THEMIS: variants seen among roughly 807,000 people sequenced by gnomAD.
The protein encoded by THEMIS is protein THEMIS.
A neutral mutation model predicts 52.6 loss-of-function variants in THEMIS; 37 were observed. The observed-to-expected ratio is 0.70, with a 90% CI of 0.54 to 0.93. The LOEUF (loss-of-function observed/expected upper bound fraction) is 0.93, where lower values mean the gene tolerates loss of function less well. Among genes scored for constraint, THEMIS ranks in the 40% least tolerant of loss-of-function variants. THEMIS has a pLI of 0.00. For missense variants in THEMIS, 808 were observed against 763.1 expected, an observed-to-expected ratio of 1.06 and a Z score of -0.69; for synonymous variants, 292 against 272.7, an observed-to-expected ratio of 1.07 and a Z score of -0.70.
intron 4 of THEMIS, among the ~76,000 whole-genome samples, chr6:127,743,388 T>G (rs1775275095): frequency 6.6e-6 from 1 of 152,046 alleles, no homozygotes. Context: ...ATTCAGAAAT[T>G]TACAGATGTG....
chr6:127,707,318 G>C (rs181604243), downstream of THEMIS, among the ~76,000 whole-genome samples: 1 of 152,140 alleles, frequency 6.6e-6, no homozygotes, highest in African/African-American at 2.4e-5. Context: ...AGAGTACAGA[G>C]AGAGAATGGG....
At chr6:127,830,677 C>T (rs2114664360) in intron 2 of THEMIS, among the ~76,000 whole-genome samples, 1 of 151,468 alleles carries the variant, frequency 6.6e-6, no homozygotes, top group East Asian at 1.9e-4. Context: ...CAGAGTGAGA[C>T]TCTGTCTCTC....
chr6:127,764,035 T>C lies in THEMIS; in HGVS notation c.1759-44212A>G, dbSNP rs545585661. Reference sequence around the variant, plus strand: ...TAGATGTAGTTAAGGAAGAAACAAATGAGAGTATCATGAAATTTATCCCAA... The same window carrying C: ...TAGATGTAGTTAAGGAAGAAACAAACGAGAGTATCATGAAATTTATCCCAA... On this transcript the variant is annotated intron_variant, in intron 4 of 5. Transcript: ENST00000368248. Among the ~76,000 whole-genome samples the C allele has an allele frequency of 2.8e-4, 43 of 151,992 alleles. No individual in the cohort carries two copies. In the Middle Eastern group the frequency reaches 0.024, roughly 84 times the overall value.
At chr6:127,823,446 C>T (rs528842386) in intron 3 of THEMIS, among the ~76,000 whole-genome samples, 1 of 152,184 alleles carries the variant, frequency 6.6e-6, no homozygotes, top group African/African-American at 2.4e-5. Flanking sequence ...CCCTTGTTAC[C>T]TAAAGAGGAG....
chr6:127,721,894 T>C (rs916259668), intron 4 of THEMIS, among the ~76,000 whole-genome samples: 1 of 152,052 alleles, frequency 6.6e-6, no homozygotes, highest in African/African-American at 2.4e-5. Flanking sequence ...CCAAATTCAA[T>C]TGAAAATATT....
intron 2 of THEMIS, among the ~76,000 whole-genome samples, chr6:127,848,448 G>C (rs1270108591): frequency 6.6e-6 from 1 of 151,694 alleles, no homozygotes; most frequent in Non-Finnish European, 1.5e-5. Context: ...CCAGTAATGA[G>C]ATGGCTGGGT....
chr6:127,911,264 G>A (rs544895057), intron 1 of THEMIS, among the ~76,000 whole-genome samples: 2 of 151,204 alleles, frequency 1.3e-5, no homozygotes, highest in Non-Finnish European at 2.9e-5. Context: ...TAAAGGGGAG[G>A]AACTTACACT....
rs542486234 is a variant in THEMIS, at chr6:127,872,439, G to A, written c.92-17251C>T. ...AGACAAAAATTAGCCGGGCACAATGGCAGACACCTGTAATCCCAGTTACTC... is the reference window on the plus strand; with the variant it reads ...AGACAAAAATTAGCCGGGCACAATGACAGACACCTGTAATCCCAGTTACTC... On this transcript the variant is annotated intron_variant, in intron 1 of 5. Transcript: ENST00000368248. 5.9e-5 allele frequency among the ~76,000 whole-genome samples: 9 copies of A among 152,122 alleles called. No homozygotes were observed. In the East Asian group the frequency reaches 9.7e-4, roughly 16 times the overall value.
intron 1 of THEMIS, among the ~76,000 whole-genome samples, chr6:127,856,493 C>G (rs1019499814): frequency 1.3e-5 from 2 of 151,914 alleles, no homozygotes; most frequent in Non-Finnish European, 2.9e-5. Context: ...CCAAATTCTG[C>G]CAGAAGCCAG....
At chr6:127,787,868 T>C (rs1001021654) in intron 4 of THEMIS, among the ~76,000 whole-genome samples, 1 of 106,390 alleles carries the variant, frequency 9.4e-6, no homozygotes, top group Non-Finnish European at 2.0e-5. Context: ...GATAGATAGA[T>C]AGATAGATAG....
intron 4 of THEMIS, among the ~76,000 whole-genome samples, chr6:127,758,644 C>T (rs1375174368): frequency 6.6e-6 from 1 of 151,612 alleles, no homozygotes; most frequent in Non-Finnish European, 1.5e-5. Context: ...AGTAAAAGAT[C>T]TTTCACAAGA....
At chr6:127,826,602 A>G (rs1295166013) in intron 3 of THEMIS, among the ~76,000 whole-genome samples, 1 of 152,212 alleles carries the variant, frequency 6.6e-6, no homozygotes, top group Admixed American at 6.5e-5. Flanking sequence ...TCTATATGTC[A>G]AAACATGACA....
intron 1 of THEMIS, among the ~76,000 whole-genome samples, chr6:127,911,215 G>C (rs912489422): frequency 1.3e-5 from 2 of 151,224 alleles, no homozygotes; most frequent in East Asian, 1.9e-4. Flanking sequence ...TTTTCACACT[G>C]TTCTCCATGA....
chr6:127,715,216 A>G (rs1774115669), intron 5 of THEMIS, among the ~76,000 whole-genome samples: 2 of 151,910 alleles, frequency 1.3e-5, no homozygotes, highest in African/African-American at 2.4e-5. Context: ...GTGTAAAATA[A>G]ATTCTACTAA....
chr6:127,777,098 C>T (rs72967672), intron 4 of THEMIS, among the ~76,000 whole-genome samples: 3,470 of 151,054 alleles, frequency 0.023, 63 homozygotes, highest in Middle Eastern at 0.055. Flanking sequence ...TTTTTATTTA[C>T]GTTGAAAATT....
At chr6:127,837,575 G>A (rs564964815) in intron 2 of THEMIS, among the ~76,000 whole-genome samples, 48 of 151,866 alleles carry the variant, frequency 3.2e-4, no homozygotes, top group Non-Finnish European at 4.4e-4. Flanking sequence ...CTATTTGTGT[G>A]TTTGTGTTTC....
intron 1 of THEMIS, among the ~76,000 whole-genome samples, chr6:127,879,895 G>T (rs1280892509): frequency 3.3e-5 from 5 of 151,820 alleles, no homozygotes; most frequent in Non-Finnish European, 7.4e-5. Flanking sequence ...CGGGAAATGC[G>T]CCCCCACCTC....
chr6:127,799,769 T>C (rs1480488097), intron 4 of THEMIS, among the ~76,000 whole-genome samples: 1 of 152,066 alleles, frequency 6.6e-6, no homozygotes, highest in East Asian at 1.9e-4. Flanking sequence ...GAGATAGAGA[T>C]CTCACATTTG....
chr6:127,902,148 G>A (rs574310345), upstream of THEMIS, among the ~76,000 whole-genome samples: 38 of 151,456 alleles, frequency 2.5e-4, no homozygotes, highest in Non-Finnish European at 4.7e-4. Context: ...AACATAGTGA[G>A]ACTTTGTCTC....
Sources: gnomAD v4.1 joint callset for allele counts (sites outside exome capture counted in the v4.1 genomes callset) on GRCh38, gnomAD v4.1.1 for gene constraint, MANE v1.5 for transcripts, NCBI Gene and HGNC (gene_info 2026-07-23, HGNC 2026-07-21) for gene names.